Variants in CNTNAP2 observed in about 807,000 individuals in gnomAD.
CNTNAP2 encodes contactin-associated protein-like 2.
CNTNAP2 carries 98 observed loss-of-function variants against 155.2 expected under a neutral mutation model. The ratio of observed to expected loss-of-function variants is 0.63; its 90% CI spans 0.54 to 0.75. The LOEUF (loss-of-function observed/expected upper bound fraction) is 0.75. CNTNAP2 is among the 30% of genes least tolerant of loss of function. The probability of loss-of-function intolerance (pLI) is 0.00; values close to 1 mark genes in which losing one functional copy is unlikely to be tolerated. For missense variants in CNTNAP2, 1,727 were observed against 1,688.1 expected, an observed-to-expected ratio of 1.02 and a Z score of -0.40; for synonymous variants, 651 against 631.2, an observed-to-expected ratio of 1.03 and a Z score of -0.47.
intron 21 of CNTNAP2, among the ~76,000 whole-genome samples, chr7:148,345,926 T>C (rs1357180954): frequency 6.6e-6 from 1 of 152,168 alleles, no homozygotes; most frequent in East Asian, 1.9e-4. Context: ...TGCTTTGAAA[T>C]TTGCTGGGCT....
At chr7:147,484,014 T>C (rs575520490) in intron 10 of CNTNAP2, among the ~76,000 whole-genome samples, 1,218 of 2,474 alleles carry the variant, frequency 0.49, 19 homozygotes, top group African/African-American at 0.5. Context: ...TTCTGAACTT[T>C]ATGAAGCCTT....
Position 146,573,414 on chromosome 7 carries a change from T to C in CNTNAP2, c.98-200857T>C, listed in dbSNP as rs576300932. On this transcript the variant is annotated intron_variant, in intron 1 of 23. Transcript: ENST00000361727. ...CCTCGACCTTCCAAAGTGCTAGCAT[T>C]ACAGGTGGGAGCCACTGCGCCTGGC... 7.2e-5 allele frequency among the ~76,000 whole-genome samples: 11 copies of C among 152,302 alleles called. No homozygotes were observed. The South Asian group carries it at 1.7e-3, about 23-fold the overall frequency.
intron 1 of CNTNAP2, among the ~76,000 whole-genome samples, chr7:146,468,351 G>A (rs187070357): frequency 6.6e-6 from 1 of 151,934 alleles, no homozygotes; most frequent in Admixed American, 6.6e-5. Context: ...CTGGGTGACT[G>A]GATAATTCAT....
chr7:146,351,244 T>A (rs1053417897), intron 1 of CNTNAP2, among the ~76,000 whole-genome samples: 5 of 143,930 alleles, frequency 3.5e-5, no homozygotes, highest in African/African-American at 5.9e-5. Flanking sequence ...ATTGAGAAAA[T>A]AAAATAAGTT....
At chr7:146,256,718 TC>T (rs1373957563) in intron 1 of CNTNAP2, among the ~76,000 whole-genome samples, 1 of 152,112 alleles carries the variant, frequency 6.6e-6, no homozygotes, top group Non-Finnish European at 1.5e-5. Flanking sequence ...TAAGAAACTT[TC>T]TTTTACCCAT....
At chr7:146,257,481 A>C (rs1260743391) in intron 1 of CNTNAP2, among the ~76,000 whole-genome samples, 1 of 152,218 alleles carries the variant, frequency 6.6e-6, no homozygotes, top group African/African-American at 2.4e-5. Flanking sequence ...ATTTTCAAAA[A>C]CTATCACGTA....
At chr7:147,441,174 C>T (rs1041239143) in intron 10 of CNTNAP2, among the ~76,000 whole-genome samples, 3 of 151,816 alleles carry the variant, frequency 2.0e-5, no homozygotes, top group South Asian at 2.1e-4. Context: ...TTGTCTCCTC[C>T]GTGTATTTTC....
chr7:146,129,367 A>G (rs1258353142), intron 1 of CNTNAP2, among the ~76,000 whole-genome samples: 1 of 152,156 alleles, frequency 6.6e-6, no homozygotes, highest in Non-Finnish European at 1.5e-5. Context: ...TTATATGTGT[A>G]TAATTACAGT....
At chr7:146,213,346 C>T (rs1336807159) in intron 1 of CNTNAP2, among the ~76,000 whole-genome samples, 2 of 152,132 alleles carry the variant, frequency 1.3e-5, no homozygotes, top group Non-Finnish European at 1.5e-5. Flanking sequence ...CTTTGGTCTT[C>T]TGCAGCTGAG....
chr7:148,335,739 C>T (rs999531637), intron 21 of CNTNAP2, among the ~76,000 whole-genome samples: 2 of 152,204 alleles, frequency 1.3e-5, no homozygotes, highest in African/African-American at 4.8e-5. Context: ...TCTCCGTCTG[C>T]TGACTCACAT....
chr7:146,681,954 T>C (rs1232440839), intron 1 of CNTNAP2, among the ~76,000 whole-genome samples: 1 of 152,028 alleles, frequency 6.6e-6, no homozygotes, highest in African/African-American at 2.4e-5. Context: ...AATATTTTTA[T>C]ATCTCCTATT....
At chr7:146,622,190 T>TATATAC (rs1799332740) in intron 1 of CNTNAP2, among the ~76,000 whole-genome samples, 1 of 150,192 alleles carries the variant, frequency 6.7e-6, no homozygotes, top group African/African-American at 2.5e-5. Flanking sequence ...TACACATATA[T>TATATAC]ACATATATAT....
chr7:146,701,664 T>TACACAC (rs141030695), intron 1 of CNTNAP2, among the ~76,000 whole-genome samples: 45 of 151,156 alleles, frequency 3.0e-4, no homozygotes, highest in African/African-American at 1.0e-3. Flanking sequence ...TTTTTGTATA[T>TACACAC]ACACACACAC....
intron 1 of CNTNAP2, among the ~76,000 whole-genome samples, chr7:146,467,570 G>A (rs1320032453): frequency 6.6e-6 from 1 of 152,148 alleles, no homozygotes; most frequent in African/African-American, 2.4e-5. Flanking sequence ...TTTAGAGAAA[G>A]TGCATCCTTA....
chr7:148,098,216 A>T (rs1044507766), intron 15 of CNTNAP2, among the ~76,000 whole-genome samples: 5 of 151,630 alleles, frequency 3.3e-5, no homozygotes, highest in Non-Finnish European at 7.4e-5. Flanking sequence ...GAGGCTGAGG[A>T]GGGCAGATCA....
At chr7:148,103,759 A>G (rs939778931) in intron 15 of CNTNAP2, among the ~76,000 whole-genome samples, 1 of 152,174 alleles carries the variant, frequency 6.6e-6, no homozygotes, top group Non-Finnish European at 1.5e-5. Context: ...ATTTATTTTT[A>G]TATCAGAAAT....
chr7:146,860,979 G>C (rs183673729), intron 3 of CNTNAP2, among the ~76,000 whole-genome samples: 1 of 152,106 alleles, frequency 6.6e-6, no homozygotes, highest in African/African-American at 2.4e-5. Context: ...AAAATTATAG[G>C]CTAGAATTTT....
intron 1 of CNTNAP2, among the ~76,000 whole-genome samples, chr7:146,256,845 A>T (rs1044041155): frequency 6.6e-6 from 1 of 152,166 alleles, no homozygotes; most frequent in Non-Finnish European, 1.5e-5. Context: ...AAAAAAATAA[A>T]CAGTAAGCTA....
intron 1 of CNTNAP2, among the ~76,000 whole-genome samples, chr7:146,691,578 C>T (rs1333730564): frequency 6.6e-6 from 1 of 152,090 alleles, no homozygotes; most frequent in African/African-American, 2.4e-5. Context: ...GCTTTTGCAC[C>T]ATCATAAAGC....
Sources: allele counts gnomAD v4.1 joint callset (sites outside exome capture counted in the v4.1 genomes callset), GRCh38; gene constraint gnomAD v4.1.1; transcripts MANE v1.5; gene names NCBI Gene and HGNC (gene_info 2026-07-23, HGNC 2026-07-21).